NIPAL2: variants seen among roughly 807,000 people sequenced by gnomAD.
The protein encoded by NIPAL2 is NIPA like domain containing 2, also known as NIPA-like protein 2.
NIPAL2 carries 43 observed loss-of-function variants against 48.9 expected under a neutral mutation model. The observed-to-expected ratio is 0.88, with a 90% CI of 0.69 to 1.13. NIPAL2 has a LOEUF of 1.13. Among genes scored for constraint, NIPAL2 ranks in the 50% most tolerant of loss-of-function variants. NIPAL2 has a pLI of 0.00. For missense variants in NIPAL2, 446 were observed against 461.4 expected, an observed-to-expected ratio of 0.97 and a Z score of 0.31; for synonymous variants, 167 against 174.6, an observed-to-expected ratio of 0.96 and a Z score of 0.34.
chr8:98,268,475 G>T (rs1169592930), intron 1 of NIPAL2, among the ~76,000 whole-genome samples: 1 of 152,056 alleles, frequency 6.6e-6, no homozygotes, highest in Non-Finnish European at 1.5e-5. Context: ...ATAAAAATTA[G>T]CTGGGTATGG....
At chr8:98,203,062 T>G in intron 8 of NIPAL2, 46 bp downstream of exon 8, 1 of 1,422,546 alleles carries the variant, frequency 7.0e-7, no homozygotes, top group South Asian at 1.2e-5. Context: ...TGGGAGAAAC[T>G]TCATTTATGC....
At position 98,260,695 on chromosome 8, in the gene NIPAL2, C is replaced by A. The variant is rs1356270682; in HGVS notation, c.136-6608G>T. 2.6e-5 allele frequency among the ~76,000 whole-genome samples: 4 copies of A among 152,094 alleles called. No individual in the cohort carries two copies. The East Asian group carries it at 7.8e-4, about 30-fold the overall frequency. ...ATCAAACTGCAAGGCGGCAGCGAGG[C>A]TGGGGGAGGGGTGCCCGCCATTGCC... is the stretch of plus-strand genomic sequence containing the variant. On this transcript the variant is annotated intron_variant, in intron 1 of 10. Coordinates refer to ENST00000430223, the MANE Select transcript of NIPAL2 (RefSeq NM_001321635.2).
At chr8:98,271,266 A>C (rs1174303693) in intron 1 of NIPAL2, among the ~76,000 whole-genome samples, 1 of 152,186 alleles carries the variant, frequency 6.6e-6, no homozygotes, top group Non-Finnish European at 1.5e-5. Flanking sequence ...AATAGTATAG[A>C]ATCTATAGAT....
Position 98,293,699 on chromosome 8 carries a change from C to T in NIPAL2, c.135+304G>A, listed in dbSNP as rs370892222. Among the ~76,000 whole-genome samples the T allele has an allele frequency of 1.2e-3, 178 of 152,338 alleles. 2 individuals carry two copies. In the South Asian group the frequency reaches 0.031, roughly 27 times the overall value. ...TCCGGGAGAAGAGGGCGGACGCAGG[C>T]TGGGGAGGCGGGATCGGGACCCGGA... On this transcript the variant is annotated intron_variant, in intron 1 of 10. Coordinates refer to ENST00000430223, the MANE Select transcript of NIPAL2 (RefSeq NM_001321635.2).
chr8:98,250,050 A>T (rs1260120144), intron 3 of NIPAL2, among the ~76,000 whole-genome samples: 1 of 152,066 alleles, frequency 6.6e-6, no homozygotes, highest in Non-Finnish European at 1.5e-5. Flanking sequence ...TAAGGGACTT[A>T]ACACACTTGG....
intron 2 of NIPAL2, among the ~76,000 whole-genome samples, 184 bp from the exon 3 acceptor site, chr8:98,252,818 G>T (rs1017908814): frequency 4.5e-4 from 69 of 152,110 alleles, no homozygotes; most frequent in African/African-American, 1.6e-3. Flanking sequence ...TTCTAGCAAA[G>T]ATTTGTATAA....
At chr8:98,216,710 AT>A (rs1811594686) in intron 5 of NIPAL2, among the ~76,000 whole-genome samples, 1 of 152,150 alleles carries the variant, frequency 6.6e-6, no homozygotes, top group Non-Finnish European at 1.5e-5. Flanking sequence ...TTTGTGAAGG[AT>A]TTTATGTTCA....
chr8:98,274,530 C>G (rs1174527071), intron 1 of NIPAL2, among the ~76,000 whole-genome samples: 1 of 151,846 alleles, frequency 6.6e-6, no homozygotes, highest in Non-Finnish European at 1.5e-5. Flanking sequence ...GTTAATTGTT[C>G]CTTTTATCAG....
At chr8:98,209,445 C>CAAAAAAAAAAA (rs33923448) in intron 6 of NIPAL2, among the ~76,000 whole-genome samples, 14 of 70,500 alleles carry the variant, frequency 2.0e-4, no homozygotes, top group African/African-American at 6.8e-4. Flanking sequence ...CCTGTCTCTC[C>CAAAAAAAAAAA]AAAAAAAAAA....
At chr8:98,211,561 G>T (rs28485842) in intron 6 of NIPAL2, among the ~76,000 whole-genome samples, 53,371 of 152,090 alleles carry the variant, frequency 0.35, 9,687 homozygotes, top group South Asian at 0.51. Flanking sequence ...TGCCCCAGGG[G>T]TATGAGTACA....
intron 3 of NIPAL2, among the ~76,000 whole-genome samples, chr8:98,242,899 A>T (rs1004447810): frequency 1.3e-5 from 2 of 152,190 alleles, no homozygotes; most frequent in East Asian, 3.8e-4. Flanking sequence ...ACCACACTGT[A>T]CCCCATAAAC....
At chr8:98,243,191 C>T (rs892659026) in intron 3 of NIPAL2, among the ~76,000 whole-genome samples, 1 of 152,162 alleles carries the variant, frequency 6.6e-6, no homozygotes, top group African/African-American at 2.4e-5. Flanking sequence ...TTTTCAGCAG[C>T]AATTGCTGAC....
intron 1 of NIPAL2, among the ~76,000 whole-genome samples, chr8:98,260,587 GCAC>G (rs1445739720): frequency 6.6e-6 from 1 of 152,132 alleles, no homozygotes; most frequent in East Asian, 1.9e-4. Flanking sequence ...AAAAAACGGC[GCAC>G]CACGAGATTA....
chr8:98,191,186 A>C lies in NIPAL2; in HGVS notation c.*1792T>G, dbSNP rs1329183187. 6.6e-6 allele frequency: 1 copy of C among 152,226 alleles called. No homozygotes were observed. Among genetic ancestry groups the C allele is most frequent in the African/African-American group, 2.4e-5 (1 of 41,464 alleles). The allele number at this position is 152,226 out of a possible 1,614,324, so 9.4% of individuals were successfully genotyped here. On this transcript the variant is annotated 3_prime_UTR_variant, in exon 11 of 11. Transcript: ENST00000430223. Reference sequence around the variant, plus strand: ...TCTCATGCACTCTAGCTATGAATGCAGGTCTACTTGAAGCAAAACTCTTCA... The same window carrying C: ...TCTCATGCACTCTAGCTATGAATGCCGGTCTACTTGAAGCAAAACTCTTCA...
intron 1 of NIPAL2, among the ~76,000 whole-genome samples, chr8:98,265,868 A>G (rs1034873712): frequency 1.3e-5 from 2 of 151,526 alleles, no homozygotes; most frequent in African/African-American, 2.4e-5. Flanking sequence ...GATAGCAAAG[A>G]CTTGGAATCA....
At chr8:98,239,272 A>G (rs1812867993) in intron 3 of NIPAL2, among the ~76,000 whole-genome samples, 1 of 152,194 alleles carries the variant, frequency 6.6e-6, no homozygotes, top group South Asian at 2.1e-4. Context: ...TCCATTTAAA[A>G]CACATTTACA....
At chr8:98,254,120 T>G in intron 1 of NIPAL2, 33 bp from the exon 2 acceptor site, 1 of 1,534,136 alleles carries the variant, frequency 6.5e-7, no homozygotes, top group Non-Finnish European at 9.0e-7. Context: ...TAAATAATAC[T>G]TGTAAGATAT....
intron 1 of NIPAL2, among the ~76,000 whole-genome samples, chr8:98,284,683 G>A (rs2130909926): frequency 6.6e-6 from 1 of 152,176 alleles, no homozygotes; most frequent in South Asian, 2.1e-4. Flanking sequence ...TCAGAGCCCT[G>A]CAAGTCCAGA....
chr8:98,195,743 A>T (rs1226574547), intron 9 of NIPAL2, 199 bp downstream of exon 9: 2 of 446,250 alleles, frequency 4.5e-6, no homozygotes, highest in Non-Finnish European at 8.2e-6. Flanking sequence ...AGAACAGCAG[A>T]GATATACCTA....
Sources: allele counts gnomAD v4.1 joint callset (sites outside exome capture counted in the v4.1 genomes callset), GRCh38; gene constraint gnomAD v4.1.1; transcripts MANE v1.5; gene names NCBI Gene and HGNC (gene_info 2026-07-23, HGNC 2026-07-21).